The following RBFOX1 variants were observed in gnomAD, a reference collection of about 807,000 sequenced individuals.
The protein encoded by RBFOX1 is RNA binding protein fox-1 homolog 1.
In RBFOX1, 8 loss-of-function variants were observed where a neutral mutation model predicts 57.7. The ratio of observed to expected loss-of-function variants is 0.14; its 90% CI spans 0.08 to 0.25. The LOEUF (loss-of-function observed/expected upper bound fraction) is 0.25, where lower values mean the gene tolerates loss of function less well. RBFOX1 is among the 10% of genes least tolerant of loss of function. The probability of loss-of-function intolerance (pLI) is 1.00; values close to 1 mark genes in which losing one functional copy is unlikely to be tolerated. For missense variants in RBFOX1, 611 were observed against 548.5 expected, an observed-to-expected ratio of 1.11 and a Z score of -1.14; for synonymous variants, 326 against 222.4, an observed-to-expected ratio of 1.47 and a Z score of -4.15.
At chr16:7,592,449 C>G (rs1002654891) in intron 7 of RBFOX1, among the ~76,000 whole-genome samples, 1 of 152,124 alleles carries the variant, frequency 6.6e-6, no homozygotes, top group South Asian at 2.1e-4. Context: ...TAATGTTGGA[C>G]AGGAGGGTGA....
intron 3 of RBFOX1, among the ~76,000 whole-genome samples, chr16:5,862,397 T>G (rs1211681774): frequency 6.6e-6 from 1 of 152,126 alleles, no homozygotes; most frequent in Non-Finnish European, 1.5e-5. Flanking sequence ...GTGTGATTAT[T>G]CAGTCTTGCT....
chr16:7,664,829 G>C (rs2068757501), intron 12 of RBFOX1, 100 bp from the exon 13 acceptor site: 1 of 1,602,658 alleles, frequency 6.2e-7, no homozygotes, highest in Non-Finnish European at 8.5e-7. Flanking sequence ...CTGTGTTTTG[G>C]ATCTTGTGAC....
intron 3 of RBFOX1, among the ~76,000 whole-genome samples, chr16:5,745,301 C>T (rs1054891492): frequency 6.6e-6 from 1 of 152,142 alleles, no homozygotes; most frequent in Non-Finnish European, 1.5e-5. Flanking sequence ...CATAGTATCC[C>T]ATGGTGTATA....
chr16:6,019,937 A>C lies in RBFOX1; in HGVS notation c.-182A>C. 1 of 1,534,332 alleles carries C rather than the reference A, an allele frequency of 6.5e-7. No individual in the cohort carries two copies. Among genetic ancestry groups the C allele is most frequent in the Non-Finnish European group, 8.7e-7 (1 of 1,146,154 alleles). On this transcript the variant is annotated 5_prime_UTR_variant, in exon 1 of 16. Coordinates refer to ENST00000550418, the MANE Select transcript of RBFOX1 (RefSeq NM_018723.4). The surrounding 1 kb of genome is among the most constrained non-coding windows in gnomAD (Gnocchi z 4.2). ...CTGGGGGTGCAGAGAGCGCACGGGA[A>C]TTCGGGGGTCTGGGGCCGAGAACGT... is the stretch of plus-strand genomic sequence containing the variant.
intron 4 of RBFOX1, among the ~76,000 whole-genome samples, chr16:7,190,144 C>G (rs905772824): frequency 6.6e-5 from 10 of 152,062 alleles, no homozygotes; most frequent in Admixed American, 5.2e-4. Flanking sequence ...GCAGATTGTT[C>G]TAGGTCAGGA....
chr16:5,247,455 C>G (rs1053650691), intron 1 of RBFOX1, among the ~76,000 whole-genome samples: 1 of 152,192 alleles, frequency 6.6e-6, no homozygotes, highest in South Asian at 2.1e-4. Context: ...GGGCTGCTTG[C>G]CTTCTCCATT....
In RBFOX1 at chr16:5,606,086, G is replaced by A. The variant is rs535907454; in HGVS notation, c.318+7125G>A. ...GTGGCATGTCTCTAGTTGACCCACTGTCTGATCAGTTCACTTGCTGAACCA... is the reference window on the plus strand; with the variant it reads ...GTGGCATGTCTCTAGTTGACCCACTATCTGATCAGTTCACTTGCTGAACCA... On this transcript the variant is annotated intron_variant, in intron 3 of 19. Coordinates refer to the RBFOX1 transcript ENST00000641259. 7.1e-4 allele frequency among the ~76,000 whole-genome samples: 108 copies of A among 152,290 alleles called. 1 individual carries two copies. The highest frequency in any genetic ancestry group is 2.4e-3 in the African/African-American group (98 of 41,562).
intron 4 of RBFOX1, among the ~76,000 whole-genome samples, chr16:7,198,273 G>A (rs1226600980): frequency 3.3e-5 from 5 of 152,068 alleles, no homozygotes; most frequent in African/African-American, 1.2e-4. Context: ...CCAAAGTCCT[G>A]GGATTACAGG....
intron 2 of RBFOX1, among the ~76,000 whole-genome samples, chr16:5,548,166 A>ATATATATATATATAT (rs1420272771): frequency 1.2e-4 from 4 of 33,734 alleles, no homozygotes; most frequent in Non-Finnish European, 2.2e-4. Flanking sequence ...GTTAAAAAAA[A>ATATATATATATATAT]AAAAAAAAAT....
At chr16:5,714,173 C>T (rs1196161791) in intron 3 of RBFOX1, among the ~76,000 whole-genome samples, 1 of 152,216 alleles carries the variant, frequency 6.6e-6, no homozygotes, top group Non-Finnish European at 1.5e-5. Flanking sequence ...GTGATAGCCT[C>T]ATTCTTTACT....
At position 6,359,950 on chromosome 16, in the gene RBFOX1, C is replaced by T. The variant is rs1371651639; in HGVS notation, c.-64+42893C>T. On this transcript the variant is annotated intron_variant, in intron 2 of 15. Transcript: ENST00000550418. ...TTAATGGGATGTGATCTATGTCCTC[C>T]GTGATTTCAAAAACACCATTCTTTT... is the stretch of plus-strand genomic sequence containing the variant. 5.9e-5 allele frequency among the ~76,000 whole-genome samples: 9 copies of T among 152,166 alleles called. No individual in the cohort carries two copies. The East Asian group carries it at 1.2e-3, about 20-fold the overall frequency.
chr16:7,041,355 C>G (rs1320108130), intron 3 of RBFOX1, among the ~76,000 whole-genome samples: 1 of 152,056 alleles, frequency 6.6e-6, no homozygotes, highest in Non-Finnish European at 1.5e-5. Flanking sequence ...GTCTGTGGCT[C>G]TCAAAGGGCA....
At chr16:7,041,285 G>T (rs1035967015) in intron 3 of RBFOX1, among the ~76,000 whole-genome samples, 34 of 151,890 alleles carry the variant, frequency 2.2e-4, no homozygotes, top group African/African-American at 7.0e-4. Flanking sequence ...TTTACACGTT[G>T]TCAGTGGCTG....
At chr16:6,552,288 G>A (rs1416835333) in intron 2 of RBFOX1, among the ~76,000 whole-genome samples, 2 of 152,160 alleles carry the variant, frequency 1.3e-5, no homozygotes. Context: ...AAAGGAAAGA[G>A]AATAACTAAT....
At chr16:7,411,110 C>A (rs1263060471) in intron 4 of RBFOX1, among the ~76,000 whole-genome samples, 3 of 151,924 alleles carry the variant, frequency 2.0e-5, no homozygotes, top group Admixed American at 2.0e-4. Flanking sequence ...CATGCCTGAC[C>A]AATTTTTGTA....
intron 3 of RBFOX1, among the ~76,000 whole-genome samples, chr16:5,754,413 C>G (rs1281911244): frequency 6.6e-6 from 1 of 151,806 alleles, no homozygotes; most frequent in African/African-American, 2.4e-5. Context: ...CCCCTACACA[C>G]CTGTGGGTGT....
intron 2 of RBFOX1, among the ~76,000 whole-genome samples, chr16:6,382,510 C>A (rs918876959): frequency 2.0e-5 from 3 of 152,276 alleles, no homozygotes; most frequent in South Asian, 4.1e-4. Context: ...GCTCTTTGGG[C>A]CTCAGCTGTC....
At chr16:7,070,550 C>T (rs975245016) in intron 4 of RBFOX1, among the ~76,000 whole-genome samples, 2 of 152,130 alleles carry the variant, frequency 1.3e-5, no homozygotes, top group Non-Finnish European at 2.9e-5. Flanking sequence ...TTATAGATGT[C>T]TGAATTAAAC....
intron 11 of RBFOX1, among the ~76,000 whole-genome samples, chr16:7,639,748 T>C (rs911983716): frequency 6.6e-6 from 1 of 152,180 alleles, no homozygotes; most frequent in Non-Finnish European, 1.5e-5. Flanking sequence ...ATTTTCACCA[T>C]TCTTCAACAC....
Sources: allele counts gnomAD v4.1 joint callset (sites outside exome capture counted in the v4.1 genomes callset), GRCh38; gene constraint gnomAD v4.1.1; non-coding constraint Gnocchi (gnomAD v3.1); transcripts MANE v1.5; gene names NCBI Gene and HGNC (gene_info 2026-07-23, HGNC 2026-07-21).